Variants in TTC7A observed in about 807,000 individuals in gnomAD.
TTC7A encodes the protein tetratricopeptide repeat protein 7A.
In TTC7A, 110 loss-of-function variants were observed where a neutral mutation model predicts 103.7. The ratio of observed to expected loss-of-function variants is 1.06; its 90% confidence interval spans 0.91 to 1.24. TTC7A has a LOEUF of 1.24. Ranked by LOEUF, TTC7A falls within the 50% of genes most tolerant of loss-of-function variation. The probability of loss-of-function intolerance (pLI) is 0.00; values close to 1 mark genes in which losing one functional copy is unlikely to be tolerated. For synonymous variants in TTC7A, 521 were observed against 467.9 expected, an observed-to-expected ratio of 1.11 and a Z score of -1.47; for missense variants, 1,340 against 1,116.3, an observed-to-expected ratio of 1.20 and a Z score of -2.86.
chr2:46,956,874 C>T lies in TTC7A; in HGVS notation c.384C>T (p.Gly128=). 6.2e-7 allele frequency: 1 copy of T among 1,614,184 alleles called. No individual in the cohort carries two copies. The highest frequency in any genetic ancestry group is 8.5e-7 in the Non-Finnish European group (1 of 1,180,026). ...TGTGTGAGGCCATGCTGATCCTGGGCAAACTGCATTACGTGGAGGGCTCAT... is the reference window on the plus strand; with the variant it reads ...TGTGTGAGGCCATGCTGATCCTGGGTAAACTGCATTACGTGGAGGGCTCAT... ...QYMCEAMLIL[G]KLHYVEGSYR... Residue 128 remains glycine (G), a synonymous_variant, in exon 3 of 20, where the codon GGC becomes GGT. Transcript: ENST00000319190.
At chr2:46,923,464 A>G (rs1669213738) in intron 2 of TTC7A, among the ~76,000 whole-genome samples, 1 of 152,230 alleles carries the variant, frequency 6.6e-6, no homozygotes, top group South Asian at 2.1e-4. Flanking sequence ...AAACAGGGTC[A>G]AAGACCAAAT....
upstream of TTC7A, among the ~76,000 whole-genome samples, chr2:46,940,386 C>A (rs1670227045): frequency 6.6e-6 from 1 of 152,160 alleles, no homozygotes; most frequent in Non-Finnish European, 1.5e-5. The surrounding 1 kb of genome is among the most constrained non-coding windows in gnomAD (Gnocchi z 4.7). Flanking sequence ...GGTCTGTGAG[C>A]TGCGGCGGCA....
chr2:46,920,100 T>C (rs1313307629), intron 2 of TTC7A, among the ~76,000 whole-genome samples: 1 of 152,230 alleles, frequency 6.6e-6, no homozygotes, highest in East Asian at 1.9e-4. Flanking sequence ...TCCCTGACTT[T>C]ATCAAAGCAC....
intron 11 of TTC7A, among the ~76,000 whole-genome samples, chr2:47,012,417 C>T (rs920749079): frequency 6.6e-6 from 1 of 152,214 alleles, no homozygotes; most frequent in African/African-American, 2.4e-5. Flanking sequence ...CCCAGGGTCT[C>T]CTAAAGTGGG....
intron 3 of TTC7A, among the ~76,000 whole-genome samples, chr2:46,969,053 C>T (rs1005688474): frequency 6.6e-6 from 1 of 151,958 alleles, no homozygotes; most frequent in Non-Finnish European, 1.5e-5. Flanking sequence ...AGACGTGGGC[C>T]ACCACTCCTG....
chr2:47,045,754 G>A (rs150104657), intron 15 of TTC7A, among the ~76,000 whole-genome samples: 6 of 152,332 alleles, frequency 3.9e-5, no homozygotes, highest in African/African-American at 1.2e-4. Context: ...CTTAGGAGGC[G>A]TTGCTTGGGC....
Position 47,074,328 on chromosome 2 carries a change from C to T in TTC7A, c.*405C>T, listed in dbSNP as rs1284000679. 1 of 176,962 alleles carries T rather than the reference C, an allele frequency of 5.7e-6. No homozygotes were observed. Among genetic ancestry groups the T allele is most frequent in the Non-Finnish European group, 1.2e-5 (1 of 84,044 alleles). 11.0% of individuals were successfully genotyped at this position (176,962 alleles called of 1,614,324 possible). A position where few individuals can be genotyped will look rare whatever the true frequency, so the allele number is the denominator to read the frequency against. Reference sequence around the variant, plus strand: ...TCTCTCAGGTCTTGCCCAGGGCGGTCACAATGTGAAGAAACTGCGGGCAAG... The same window carrying T: ...TCTCTCAGGTCTTGCCCAGGGCGGTTACAATGTGAAGAAACTGCGGGCAAG... On this transcript the variant is annotated 3_prime_UTR_variant, in exon 20 of 20. Coordinates refer to ENST00000319190, the MANE Select transcript of TTC7A (RefSeq NM_020458.4).
intron 1 of TTC7A, among the ~76,000 whole-genome samples, chr2:46,942,109 A>C (rs947477809): frequency 6.6e-6 from 1 of 152,154 alleles, no homozygotes; most frequent in Non-Finnish European, 1.5e-5. Context: ...CTTTGTCCAT[A>C]GTTCTCGCAA....
chr2:47,040,495 A>G (rs539177646), intron 15 of TTC7A: 135 of 152,404 alleles, frequency 8.9e-4, no homozygotes, highest in African/African-American at 3.1e-3. Flanking sequence ...CACAGCGAGC[A>G]TGCTTTGCCC....
chr2:47,030,053 C>T (rs1416499299), intron 15 of TTC7A, among the ~76,000 whole-genome samples: 2 of 152,266 alleles, frequency 1.3e-5, no homozygotes, highest in South Asian at 2.1e-4. Context: ...TTTCTGCCTT[C>T]TGCCCCTAAG....
upstream of TTC7A, among the ~76,000 whole-genome samples, chr2:46,940,836 G>T (rs567119171): frequency 6.6e-6 from 1 of 152,248 alleles, no homozygotes; most frequent in African/African-American, 2.4e-5. This position sits in a 1 kb window ranked among gnomAD's most constrained non-coding sequence, Gnocchi z 4.7. Flanking sequence ...CTCGCCGTCG[G>T]GGTTGGGGCC....
chr2:46,958,732 G>A (rs1026265529), intron 3 of TTC7A, among the ~76,000 whole-genome samples: 4 of 152,212 alleles, frequency 2.6e-5, no homozygotes, highest in Non-Finnish European at 4.4e-5. Flanking sequence ...GACCCTGTGT[G>A]TGCTTGAGAC....
At chr2:46,978,562 T>TAAAAAAA (rs74444627) in intron 4 of TTC7A, among the ~76,000 whole-genome samples, 1 of 132,746 alleles carries the variant, frequency 7.5e-6, no homozygotes, top group Non-Finnish European at 1.6e-5. Flanking sequence ...CCCTGTTTCT[T>TAAAAAAA]AAAAAAAAAA....
At chr2:47,010,770 G>A (rs1480251724) in intron 10 of TTC7A, among the ~76,000 whole-genome samples, 1 of 152,138 alleles carries the variant, frequency 6.6e-6, no homozygotes, top group Non-Finnish European at 1.5e-5. Flanking sequence ...CACAATCTCG[G>A]CTCACTGCAA....
In TTC7A at chr2:46,922,503, G is replaced by A. The variant is rs117669745; in HGVS notation, c.82+5226G>A. Among the ~76,000 whole-genome samples, 38 of 152,020 alleles carry A rather than the reference G, an allele frequency of 2.5e-4. No homozygotes were observed. In the East Asian group the frequency reaches 5.6e-3, roughly 22 times the overall value. Reference sequence around the variant, plus strand: ...TAGACTAAACTCCAGACCTGAGTGCGGGCAGAGTGTAATTATAAATGCTCA... The same window carrying A: ...TAGACTAAACTCCAGACCTGAGTGCAGGCAGAGTGTAATTATAAATGCTCA... On this transcript the variant is annotated intron_variant, in intron 2 of 20. Transcript: ENST00000409245.
intron 2 of TTC7A, among the ~76,000 whole-genome samples, chr2:46,920,271 ATGT>A (rs1186804321): frequency 6.6e-6 from 1 of 152,004 alleles, no homozygotes; most frequent in African/African-American, 2.4e-5. Flanking sequence ...CTTTCTCATC[ATGT>A]TGTTGTTGTT....
chr2:47,021,758 C>T, intron 11 of TTC7A, 104 bp from the exon 12 acceptor site: 4 of 878,002 alleles, frequency 4.6e-6, no homozygotes, highest in Non-Finnish European at 7.5e-6. Flanking sequence ...GGCCCTGTGA[C>T]CTTGAGCACA....
At chr2:47,023,724 T>C (rs945228823) in intron 13 of TTC7A, among the ~76,000 whole-genome samples, 3 of 151,962 alleles carry the variant, frequency 2.0e-5, no homozygotes, top group Admixed American at 2.0e-4. Flanking sequence ...CTAAAATGGG[T>C]ATAGTAACCC....
intron 11 of TTC7A, among the ~76,000 whole-genome samples, chr2:47,014,198 C>G (rs774429488): frequency 6.6e-6 from 1 of 152,150 alleles, no homozygotes; most frequent in African/African-American, 2.4e-5. Context: ...AACTTGCTCA[C>G]TTGCCATGTC....
Sources: allele counts gnomAD v4.1 joint callset (sites outside exome capture counted in the v4.1 genomes callset), GRCh38; gene constraint gnomAD v4.1.1; non-coding constraint Gnocchi (gnomAD v3.1); transcripts MANE v1.5; gene names NCBI Gene and HGNC (gene_info 2026-07-23, HGNC 2026-07-21).